SGCZ: variants seen among roughly 807,000 people sequenced by gnomAD.
SGCZ encodes sarcoglycan zeta, also known as zeta-sarcoglycan.
A neutral mutation model predicts 41.3 loss-of-function variants in SGCZ; 40 were observed. The ratio of observed to expected loss-of-function variants is 0.97; its 90% CI spans 0.75 to 1.26. The LOEUF is 1.26. Among genes scored for constraint, SGCZ ranks in the 50% most tolerant of loss-of-function variants. The pLI, the probability that SGCZ is intolerant of heterozygous loss-of-function variation, is 0.00. For missense variants in SGCZ, 552 were observed against 369.8 expected, an observed-to-expected ratio of 1.49 and a Z score of -4.04; for synonymous variants, 206 against 137.5, an observed-to-expected ratio of 1.50 and a Z score of -3.49.
At chr8:14,250,756 A>G (rs1799254400) in intron 3 of SGCZ, among the ~76,000 whole-genome samples, 1 of 152,158 alleles carries the variant, frequency 6.6e-6, no homozygotes, top group Admixed American at 6.5e-5. Flanking sequence ...TCTCCTCTGT[A>G]GGGACTTACA....
At chr8:14,742,156 C>T (rs1176918258) in intron 1 of SGCZ, among the ~76,000 whole-genome samples, 3 of 151,954 alleles carry the variant, frequency 2.0e-5, no homozygotes, top group Non-Finnish European at 4.4e-5. Flanking sequence ...AGTTTATATA[C>T]CATGCTAACA....
At chr8:14,094,061 C>G (rs1801769781) in intron 7 of SGCZ, among the ~76,000 whole-genome samples, 1 of 152,050 alleles carries the variant, frequency 6.6e-6, no homozygotes, top group Non-Finnish European at 1.5e-5. Flanking sequence ...ACAAACCCAC[C>G]TCCCAACAAA....
chr8:14,411,875 G>A (rs1357461820), intron 2 of SGCZ, among the ~76,000 whole-genome samples: 2 of 152,052 alleles, frequency 1.3e-5, no homozygotes, highest in African/African-American at 4.8e-5. Flanking sequence ...TGATGGAACG[G>A]AAGGAGAATT....
At chr8:14,785,521 T>C (rs555681093) in intron 1 of SGCZ, among the ~76,000 whole-genome samples, 124 of 152,258 alleles carry the variant, frequency 8.1e-4, no homozygotes, top group African/African-American at 2.9e-3. Context: ...ATATAGTTGC[T>C]CTTGAAACTT....
At chr8:14,220,359 A>C (rs1260685306) in intron 4 of SGCZ, among the ~76,000 whole-genome samples, 1 of 152,102 alleles carries the variant, frequency 6.6e-6, no homozygotes, top group African/African-American at 2.4e-5. Flanking sequence ...AATGTATCAT[A>C]TGTGAATTTA....
intron 1 of SGCZ, among the ~76,000 whole-genome samples, chr8:14,982,283 G>A (rs1289860438): frequency 2.6e-5 from 4 of 152,132 alleles, no homozygotes; most frequent in South Asian, 2.1e-4. Flanking sequence ...CTACCATTAC[G>A]TGACATATTG....
intron 1 of SGCZ, among the ~76,000 whole-genome samples, chr8:14,884,631 T>A (rs74868198): frequency 0.049 from 7,478 of 152,110 alleles, 218 homozygotes; most frequent in Non-Finnish European, 0.061. Flanking sequence ...GCAGAAAAAA[T>A]ATGATAGAGA....
chr8:15,237,227 G>A (rs965887458), intron 1 of SGCZ, among the ~76,000 whole-genome samples: 1 of 150,804 alleles, frequency 6.6e-6, no homozygotes, highest in South Asian at 2.1e-4. Context: ...GAAAGCAGGC[G>A]ACAGCGGGCA....
At chr8:14,920,575 G>A (rs1352240848) in intron 1 of SGCZ, among the ~76,000 whole-genome samples, 2 of 151,702 alleles carry the variant, frequency 1.3e-5, no homozygotes, top group African/African-American at 2.4e-5. Flanking sequence ...ATGAATTTGA[G>A]GAAAAAAAGA....
At chr8:14,455,790 T>C (rs1251472315) in intron 2 of SGCZ, among the ~76,000 whole-genome samples, 1 of 152,210 alleles carries the variant, frequency 6.6e-6, no homozygotes, top group East Asian at 1.9e-4. Flanking sequence ...GAGGACAGGC[T>C]CTATGGACTG....
intron 1 of SGCZ, among the ~76,000 whole-genome samples, chr8:14,705,139 C>G (rs1249088474): frequency 6.6e-6 from 1 of 151,864 alleles, no homozygotes; most frequent in Non-Finnish European, 1.5e-5. Flanking sequence ...CTTCAACACC[C>G]CTTTTTAGAC....
chr8:14,975,283 G>A (rs1000517369), intron 1 of SGCZ, among the ~76,000 whole-genome samples: 1 of 152,100 alleles, frequency 6.6e-6, no homozygotes, highest in Non-Finnish European at 1.5e-5. Context: ...TCCAGCCTGG[G>A]CGACAGAGCA....
chr8:14,209,641 G>C (rs143765234), intron 4 of SGCZ, among the ~76,000 whole-genome samples: 105 of 152,104 alleles, frequency 6.9e-4, no homozygotes, highest in South Asian at 1.9e-3. Flanking sequence ...AGTTGTGTCA[G>C]CAAATGTACA....
intron 2 of SGCZ, among the ~76,000 whole-genome samples, chr8:14,514,815 A>G (rs567385473): frequency 4.0e-3 from 114 of 28,360 alleles, no homozygotes; most frequent in Non-Finnish European, 7.0e-3. Flanking sequence ...GTGTGTGTGT[A>G]TATATACACG....
intron 1 of SGCZ, among the ~76,000 whole-genome samples, chr8:14,787,345 C>T (rs73533012): frequency 0.062 from 9,340 of 151,832 alleles, 599 homozygotes; most frequent in African/African-American, 0.16. Context: ...GAATCTGGTG[C>T]TTTATTTATT....
chr8:14,105,873 G>A (rs912475431), intron 6 of SGCZ, among the ~76,000 whole-genome samples: 2 of 151,898 alleles, frequency 1.3e-5, no homozygotes, highest in Admixed American at 6.6e-5. Flanking sequence ...ATTATAAAAT[G>A]AGCATATAGT....
At position 14,573,189 on chromosome 8, in the gene SGCZ, CTTTTTTTTTTTTTT is replaced by C. The variant is rs35000758; in HGVS notation, c.40-18277_40-18264del. The stretch of plus-strand genomic sequence containing the variant: ...TTGCCTCCAAGCTTTCTTAGCAAGT[CTTTTTTTTTTTTTT>C]TTTTTTTTTTTTGAGACGGAGTCTC... On this transcript the variant is annotated intron_variant, in intron 1 of 7. Transcript: ENST00000382080. Among the ~76,000 whole-genome samples the C allele has an allele frequency of 6.5e-5, 5 of 76,464 alleles. No homozygotes were observed. The Admixed American group carries it at 9.6e-4, about 15-fold the overall frequency. The allele number at this position is 76,464 out of a possible 152,430, so 50.2% of individuals were successfully genotyped here.
chr8:14,984,021 G>A (rs1292296807), intron 1 of SGCZ, among the ~76,000 whole-genome samples: 3 of 152,158 alleles, frequency 2.0e-5, no homozygotes, highest in African/African-American at 4.8e-5. Flanking sequence ...CTAAAGTGGA[G>A]TGAAATTGGA....
intron 2 of SGCZ, among the ~76,000 whole-genome samples, chr8:14,329,058 C>T (rs1005457909): frequency 6.9e-6 from 1 of 144,394 alleles, no homozygotes; most frequent in African/African-American, 2.4e-5. Context: ...AAAATATTTT[C>T]TGCGTTTTTT....
Sources: allele counts gnomAD v4.1 joint callset (sites outside exome capture counted in the v4.1 genomes callset), GRCh38; gene constraint gnomAD v4.1.1; transcripts MANE v1.5; gene names NCBI Gene and HGNC (gene_info 2026-07-23, HGNC 2026-07-21).